NBEAL2: variants seen among roughly 807,000 people sequenced by gnomAD.
NBEAL2 encodes the protein neurobeachin-like protein 2.
In NBEAL2, 160 loss-of-function variants were observed where a neutral mutation model predicts 299.8. The ratio of observed to expected loss-of-function variants is 0.53; its 90% CI spans 0.47 to 0.61. NBEAL2 has a LOEUF of 0.61. Ranked by LOEUF, NBEAL2 falls within the 20% of genes least tolerant of loss-of-function variation. The probability of loss-of-function intolerance (pLI) is 0.00; values close to 1 mark genes in which losing one functional copy is unlikely to be tolerated. For missense variants in NBEAL2, 3,112 were observed against 3,649.0 expected (o/e 0.85, Z 3.79); for synonymous variants, 1,493 against 1,542.3 (o/e 0.97, Z 0.75).
intron 41 of NBEAL2, 56 bp from the exon 42 acceptor site, chr3:47,005,682 G>T: frequency 6.4e-7 from 1 of 1,563,824 alleles, no homozygotes; most frequent in African/African-American, 1.6e-5. Flanking sequence ...ATGGTGGAGT[G>T]GCCAGGGGGC....
Position 47,006,035 on chromosome 3 carries a change from C to G in NBEAL2, c.6891C>G (p.Leu2297=), listed in dbSNP as rs376409921. ...GGGGGCCAGCCGCCGAGGAGGCCCT[C>G]AATGTCTTCTATTACTGCACCTATG... ...KQRGPAAEEA[L]NVFYYCTYEG... Residue 2297 remains leucine, a synonymous_variant, in exon 43 of 54, where the codon CTC becomes CTG. Transcript: ENST00000450053. 2 of 1,613,792 alleles carry G rather than the reference C, an allele frequency of 1.2e-6. No individual in the cohort carries two copies. The highest frequency in any genetic ancestry group is 1.7e-6 in the Non-Finnish European group (2 of 1,179,882).
intron 11 of NBEAL2, 136 bp downstream of exon 11, chr3:46,994,156 C>G: frequency 1.1e-6 from 1 of 899,086 alleles, no homozygotes; most frequent in African/African-American, 1.7e-5. Flanking sequence ...AGGTGACTGC[C>G]CTGCCCTAAA....
In NBEAL2 at chr3:46,988,825, C is replaced by G; in HGVS notation, c.141-17C>G. The G allele has an allele frequency of 6.2e-7, 1 of 1,604,080 alleles. No individual in the cohort carries two copies. Among genetic ancestry groups the G allele is most frequent in the Non-Finnish European group, 8.5e-7 (1 of 1,172,506 alleles). On this transcript the variant is annotated splice_polypyrimidine_tract_variant and intron_variant, in intron 2 of 53. Coordinates refer to ENST00000450053, the MANE Select transcript of NBEAL2 (RefSeq NM_015175.3). This position sits in a 1 kb window ranked among gnomAD's most constrained non-coding sequence, Gnocchi z 4.4. ...ATTGAGGGGTCCTCAGCACCCGTGT[C>G]TCCCCTTTCCTTGCAGGCCAGAGGA...
At chr3:46,994,370 A>G in intron 11 of NBEAL2, 85 bp from the exon 12 acceptor site, 1 of 1,269,056 alleles carries the variant, frequency 7.9e-7, no homozygotes, top group Admixed American at 2.0e-5. Flanking sequence ...CCAAAACATG[A>G]TGCCCCTCCA....
chr3:46,983,429 C>A (rs2035487387), intron 1 of NBEAL2, among the ~76,000 whole-genome samples: 1 of 151,810 alleles, frequency 6.6e-6, no homozygotes, highest in Admixed American at 6.6e-5. Context: ...CCTACCTCAG[C>A]CTCCCGAGTA....
At chr3:46,981,732 T>A (rs1231514845) in intron 1 of NBEAL2, among the ~76,000 whole-genome samples, 2 of 152,066 alleles carry the variant, frequency 1.3e-5, no homozygotes, top group Non-Finnish European at 2.9e-5. Flanking sequence ...CTGGTGAGTG[T>A]GAGGGATGTT....
chr3:46,992,941 C>T (rs907245197), intron 10 of NBEAL2, among the ~76,000 whole-genome samples: 1 of 152,198 alleles, frequency 6.6e-6, no homozygotes, highest in African/African-American at 2.4e-5. Context: ...TGCACCCACC[C>T]TCAGCGGGTC....
In NBEAL2 at chr3:47,001,926, G is replaced by A. The variant is rs147659992; in HGVS notation, c.4789G>A (p.Ala1597Thr). 34 of 1,604,146 alleles carry A rather than the reference G, an allele frequency of 2.1e-5. No homozygotes were observed. The highest frequency in any genetic ancestry group is 2.9e-5 in the Non-Finnish European group (34 of 1,173,174). Residue 1597 changes from alanine to threonine, a missense_variant, in exon 31 of 54, where the codon GCC becomes ACC. Around this residue, in one of 3 missense-constraint regions of NBEAL2, gnomAD observed 2,243 missense variants for 2,538.1 expected, o/e 0.88. Transcript: ENST00000450053. This position sits in a 1 kb window ranked among gnomAD's most constrained non-coding sequence, Gnocchi z 6.1. ...YILLEDPQLH[A>T]QAYVRLHMLL... The stretch of plus-strand genomic sequence containing the variant: ...ATCTCTCTTGCGCCCACAGCTGCAT[G>A]CCCAGGCCTACGTGAGATTGCACAT...
rs1015625474 is a variant in NBEAL2 at position 47,002,146 on chromosome 3, C to G, written c.5009C>G (p.Thr1670Arg). Residue 1670 changes from threonine (T) to arginine (R), a missense_variant, in exon 31 of 54, where the codon ACG (threonine) becomes AGG (arginine). By Grantham distance (71) the Thr-to-Arg change is moderately conservative. This residue lies in a region of NBEAL2 where 2,243 missense variants were observed against 2,538.1 expected (regional missense o/e 0.88). Coordinates refer to ENST00000450053, the MANE Select transcript of NBEAL2 (RefSeq NM_015175.3). ...RCSWLVPLVR[T>R]LLDRAYEPLG... ...TCCTGGCTGGTGCCACTGGTGCGCA[C>G]GCTGCTAGACCGTGCCTATGAGCCG... The G allele has an allele frequency of 6.5e-7, 1 of 1,543,572 alleles. No individual in the cohort carries two copies. The highest frequency in any genetic ancestry group is 8.8e-7 in the Non-Finnish European group (1 of 1,142,568).
At chr3:46,987,028 T>C (rs1226614846) in intron 1 of NBEAL2, among the ~76,000 whole-genome samples, 2 of 152,226 alleles carry the variant, frequency 1.3e-5, no homozygotes, top group African/African-American at 4.8e-5. Context: ...GTCTGCACCA[T>C]GGTGGCCCTG....
rs546859107 is a variant in NBEAL2, at chr3:47,007,489, G to A, written c.7335-36G>A. 8.8e-6 allele frequency: 14 copies of A among 1,592,356 alleles called. No homozygotes were observed. The Admixed American group carries it at 1.6e-4, about 18-fold the overall frequency. On this transcript the variant is annotated intron_variant, in intron 47 of 53. Coordinates refer to ENST00000450053, the MANE Select transcript of NBEAL2 (RefSeq NM_015175.3). ...TGAGGGCCTGGGTCTCTTCCATGTG[G>A]CCTGGCCTCACTTGCTATCCCCCTC...
chr3:46,998,643 C>G (rs2036696221), intron 22 of NBEAL2, 74 bp from the exon 23 acceptor site: 3 of 1,557,874 alleles, frequency 1.9e-6, no homozygotes, highest in South Asian at 1.2e-5. Context: ...CGGTGCGCTT[C>G]CCTGACTCAC....
intron 45 of NBEAL2, 89 bp downstream of exon 45, chr3:47,006,538 C>A: frequency 8.0e-7 from 1 of 1,246,960 alleles, no homozygotes; most frequent in South Asian, 1.3e-5. Flanking sequence ...AGATGGGAAT[C>A]CTAATCAAGG....
chr3:46,996,470 C>T lies in NBEAL2; in HGVS notation c.2351C>T (p.Thr784Ile), dbSNP rs1340957476. The change falls in exon 16 of 54, where the codon ACC becomes ATC. Residue 784 changes from threonine (T) to isoleucine (I), a missense_variant. Thr to Ile is a moderately conservative substitution (Grantham distance 89, BLOSUM62 -1). Around this residue, in one of 3 missense-constraint regions of NBEAL2, gnomAD observed 2,243 missense variants for 2,538.1 expected, o/e 0.88. Transcript: ENST00000450053. ...CTGCAGGAGGGCAGCATCGACTCTACCCTCGCAGGCACCCAGGACACTCGG... is the reference window on the plus strand; with the variant it reads ...CTGCAGGAGGGCAGCATCGACTCTATCCTCGCAGGCACCCAGGACACTCGG... The part of the protein sequence containing the change: ...APLQEGSIDS[T>I]LAGTQDTRWG... 2 of 1,600,292 alleles carry T rather than the reference C, an allele frequency of 1.2e-6. No homozygotes were observed. Among genetic ancestry groups the T allele is most frequent in the South Asian group, 2.2e-5 (2 of 89,824 alleles).
In NBEAL2 at chr3:47,004,323, G is replaced by T; in HGVS notation, c.6128G>T (p.Arg2043Leu). 6.2e-7 allele frequency: 1 copy of T among 1,610,570 alleles called. No individual in the cohort carries two copies. The highest frequency in any genetic ancestry group is 8.5e-7 in the Non-Finnish European group (1 of 1,177,964). The change falls in exon 37 of 54, where the codon CGG (arginine) becomes CTG (leucine). Residue 2043 changes from arginine to leucine, a missense_variant. Arg to Leu is a moderately radical substitution (Grantham distance 102). Around this residue, in one of 3 missense-constraint regions of NBEAL2, gnomAD observed 521 missense variants for 729.6 expected, o/e 0.71. Transcript: ENST00000450053. The surrounding 1 kb of genome is among the most constrained non-coding windows in gnomAD (Gnocchi z 5.0). Reference sequence around the variant, plus strand: ...GTGTACTCGTGGCTCCTGCGCCTACGGCCCCCCTCTCAAGGCTACCTAAGC... The same window carrying T: ...GTGTACTCGTGGCTCCTGCGCCTACTGCCCCCCTCTCAAGGCTACCTAAGC... ...NQVYSWLLRL[R>L]PPSQGYLSSR...
At chr3:46,994,380 A>C in intron 11 of NBEAL2, 75 bp from the exon 12 acceptor site, 9 of 1,368,588 alleles carry the variant, frequency 6.6e-6, no homozygotes, top group Non-Finnish European at 9.1e-6. Flanking sequence ...ATGCCCCTCC[A>C]GAGTTTCCAG....
chr3:47,004,740 AACCCCCAGAG>A lies in NBEAL2; in HGVS notation c.6294+151_6294+160del. ...GAAGACCTGGCCTCTGTTCCCTGCC[AACCCCCAGAG>A]GTCCCCAGCCTCACTCCCTTCCCCT... On this transcript the variant is annotated intron_variant, in intron 38 of 53. Coordinates refer to ENST00000450053, the MANE Select transcript of NBEAL2 (RefSeq NM_015175.3). The surrounding 1 kb of genome is among the most constrained non-coding windows in gnomAD (Gnocchi z 5.0). 1 of 393,466 alleles carries A rather than the reference AACCCCCAGAG, an allele frequency of 2.5e-6. No homozygotes were observed. Among genetic ancestry groups the A allele is most frequent in the Non-Finnish European group, 4.1e-6 (1 of 242,644 alleles). 24.4% of individuals were successfully genotyped at this position (393,466 alleles called of 1,614,324 possible). A position where few individuals can be genotyped will look rare whatever the true frequency, so the allele number is the denominator to read the frequency against.
In NBEAL2 at chr3:47,001,633, C is replaced by T. The variant is rs1180723978; in HGVS notation, c.4645-56C>T. The T allele has an allele frequency of 3.1e-6, 5 of 1,597,376 alleles. No individual in the cohort carries two copies. Among genetic ancestry groups the T allele is most frequent in the Admixed American group, 3.4e-5 (2 of 59,638 alleles). ...CGCAAACTTTACTTTGCTCCCTTTC[C>T]ATGGACTCCTGGCCTCCCCTGGTGA... is the stretch of plus-strand genomic sequence containing the variant. On this transcript the variant is annotated intron_variant, in intron 29 of 53. Transcript: ENST00000450053. This position sits in a 1 kb window ranked among gnomAD's most constrained non-coding sequence, Gnocchi z 6.1.
chr3:47,001,808 C>G lies in NBEAL2; in HGVS notation c.4764C>G (p.Ile1588Met), dbSNP rs778176323. Residue 1588 changes from isoleucine (I) to methionine (M), a missense_variant, in exon 30 of 54, where the codon ATC becomes ATG. Physicochemically the swap from Ile to Met is conservative, Grantham distance 10. This residue lies in a region of NBEAL2 where 2,243 missense variants were observed against 2,538.1 expected (regional missense o/e 0.88). Coordinates refer to ENST00000450053, the MANE Select transcript of NBEAL2 (RefSeq NM_015175.3). The surrounding 1 kb of genome is among the most constrained non-coding windows in gnomAD (Gnocchi z 6.1). ...QIGLRLVLGY[I>M]LLEDPQLHAQ... is the part of the protein sequence containing the mutation. ...GCCTACGGCTTGTACTTGGCTACAT[C>G]CTGCTGGAAGACCCACAGGTGAGCA... is the stretch of plus-strand genomic sequence containing the variant. The G allele has an allele frequency of 6.2e-7, 1 of 1,613,784 alleles. No homozygotes were observed. Among genetic ancestry groups the G allele is most frequent in the Non-Finnish European group, 8.5e-7 (1 of 1,179,888 alleles).
Sources: gnomAD v4.1 joint callset for allele counts (sites outside exome capture counted in the v4.1 genomes callset) on GRCh38, gnomAD v4.1.1 for gene constraint, gnomAD v4.1.1 regional missense constraint, Gnocchi (gnomAD v3.1) non-coding constraint, MANE v1.5 for transcripts, NCBI Gene and HGNC (gene_info 2026-07-23, HGNC 2026-07-21) for gene names.